The following LAMA5 variants were observed in gnomAD, a reference collection of about 807,000 sequenced individuals.
LAMA5 encodes the protein laminin subunit alpha 5.
Under a neutral mutation model 433.4 loss-of-function variants are expected in LAMA5, and 260 were observed. The observed-to-expected ratio is 0.60, with a 90% CI of 0.54 to 0.66. The LOEUF (loss-of-function observed/expected upper bound fraction) is 0.66, where lower values mean the gene tolerates loss of function less well. LAMA5 is among the 30% of genes least tolerant of loss of function. The pLI is 0.00. For synonymous variants in LAMA5, 2,620 were observed against 2,226.6 expected (o/e 1.18, Z -4.97); for missense variants, 5,378 against 5,258.5 (o/e 1.02, Z -0.70).
intron 61 of LAMA5, 46 bp from the exon 62 acceptor site, chr20:62,314,486 G>A: frequency 6.2e-7 from 1 of 1,611,178 alleles, no homozygotes. Context: ...CCGGGGACCA[G>A]GGACCAGGCA....
Position 62,313,777 on chromosome 20 carries a change from C to A in LAMA5, c.8530G>T (p.Val2844Phe). The A allele has an allele frequency of 6.2e-7, 1 of 1,612,792 alleles. No individual in the cohort carries two copies. Among genetic ancestry groups the A allele is most frequent in the Non-Finnish European group, 8.5e-7 (1 of 1,179,938 alleles). Residue 2844 changes from valine (V) to phenylalanine (F), a missense_variant, in exon 63 of 80, where the codon GTC becomes TTC. Val to Phe is a conservative substitution (Grantham distance 50). Coordinates refer to ENST00000252999, the MANE Select transcript of LAMA5 (RefSeq NM_005560.6). ...TGGATCATCTGTCTCTCCACTGTGA[C>A]GGACATGTGGCCAAACTGGAGAGTC... ...DRTLQFGHMS[V>F]TVERQMIQET...
chr20:62,311,538 T>A lies in LAMA5; in HGVS notation c.9807-2A>T. 1.2e-6 allele frequency: 2 copies of A among 1,609,326 alleles called. No individual in the cohort carries two copies. Among genetic ancestry groups the A allele is most frequent in the Non-Finnish European group, 1.7e-6 (2 of 1,177,702 alleles). On this transcript the variant is annotated splice_acceptor_variant, in intron 71 of 79. Coordinates refer to ENST00000252999, the MANE Select transcript of LAMA5 (RefSeq NM_005560.6). LOFTEE classifies it high-confidence loss of function. ...AATACGCGCTGTGGGCCCAGGAGCC[T>A]GTGCAGGGCGGGCAGGCGGTCAGCA...
In LAMA5 at chr20:62,327,928, A is replaced by G. The variant is rs1568931380; in HGVS notation, c.4735T>C (p.Cys1579Arg). The G allele has an allele frequency of 1.4e-5, 22 of 1,612,512 alleles. No individual in the cohort carries two copies. The highest frequency in any genetic ancestry group is 1.9e-5 in the Non-Finnish European group (22 of 1,179,910). Residue 1579 changes from cysteine to arginine, a missense_variant, in exon 36 of 80, where the codon TGT becomes CGT. Transcript: ENST00000252999. ...HGYPRCRPCDCHEAGTAPGVC... is the reference protein window; with the variant it reads ...HGYPRCRPCDRHEAGTAPGVC... ...CCAGGCGCAGTGCCCGCCTCGTGAC[A>G]GTCACAGGGGCGGCAGCGGGGGTAG...
At chr20:62,310,354 C>A (rs1202759007) in intron 76 of LAMA5, 43 bp from the exon 77 acceptor site, 1 of 1,571,522 alleles carries the variant, frequency 6.4e-7, no homozygotes, top group Admixed American at 1.8e-5. Context: ...GGGGGCCCCT[C>A]CCCAGAACCT....
At position 62,334,122 on chromosome 20, in the gene LAMA5, T is replaced by C. The variant is rs1237211804; in HGVS notation, c.2739+64A>G. On this transcript the variant is annotated intron_variant, in intron 22 of 79. Transcript: ENST00000252999. ...GGCCTTCAAGGGGCCTGCCCACCCC[T>C]CCCTGCCAGCCACGCCTGGCTCCAC... 7.6e-6 allele frequency: 12 copies of C among 1,587,480 alleles called. No homozygotes were observed. The East Asian group carries it at 2.5e-4, about 33-fold the overall frequency.
intron 26 of LAMA5, 143 bp downstream of exon 26, chr20:62,332,947 G>GGCAGGAGGCAGGAGGCAGGAGGCAGGAT: frequency 1.8e-6 from 2 of 1,132,794 alleles, no homozygotes; most frequent in Non-Finnish European, 2.4e-6. Flanking sequence ...GGAGGCAGGA[G>GGCAGGAGGCAGGAGGCAGGAGGCAGGAT]GCAGGGGCGC....
Position 62,313,346 on chromosome 20 carries a change from C to A in LAMA5, c.8773G>T (p.Val2925Leu), listed in dbSNP as rs768371853. 39 of 1,567,742 alleles carry A rather than the reference C, an allele frequency of 2.5e-5. No individual in the cohort carries two copies. In the East Asian group the frequency reaches 8.7e-4, roughly 35 times the overall value. Reference sequence around the variant, plus strand: ...ACGCACCGGGCACAAGGCCTGTCCACAGCCGTGTCCAGCTGGAAGGTCCTC... The same window carrying A: ...ACGCACCGGGCACAAGGCCTGTCCAAAGCCGTGTCCAGCTGGAAGGTCCTC... ...FERTFQLDTA[V>L]DRPCARSKST... The change falls in exon 64 of 80, where the codon GTG (valine) becomes TTG (leucine). Residue 2925 changes from valine to leucine, a missense_variant. Val to Leu is a conservative substitution (Grantham distance 32). Coordinates refer to ENST00000252999, the MANE Select transcript of LAMA5 (RefSeq NM_005560.6).
rs1326386787 is a variant in LAMA5, at chr20:62,327,916, C to T, written c.4747G>A (p.Gly1583Ser). 1.6e-5 allele frequency: 26 copies of T among 1,612,104 alleles called. No homozygotes were observed. Among genetic ancestry groups the T allele is most frequent in the Non-Finnish European group, 2.0e-5 (24 of 1,179,872 alleles). Residue 1583 changes from glycine (G) to serine (S), a missense_variant, in exon 36 of 80, where the codon GGC becomes AGC. Transcript: ENST00000252999. Reference protein sequence around the residue: ...RCRPCDCHEAGTAPGVCDPLT... With the variant: ...RCRPCDCHEASTAPGVCDPLT... ...GGGTCACACACGCCAGGCGCAGTGC[C>T]CGCCTCGTGACAGTCACAGGGGCGG...
chr20:62,333,038 C>T (rs1042992619), intron 26 of LAMA5, 52 bp downstream of exon 26: 4 of 1,428,662 alleles, frequency 2.8e-6, no homozygotes, highest in South Asian at 1.5e-5. Context: ...CCCCAGCCCC[C>T]AGGCCAAGGT....
chr20:62,344,392 T>C (rs1047241513), intron 11 of LAMA5, among the ~76,000 whole-genome samples: 2 of 152,082 alleles, frequency 1.3e-5, no homozygotes, highest in African/African-American at 2.4e-5. Context: ...TATGTGGTAA[T>C]GGCAATGATT....
rs777611514 is a variant in LAMA5 at position 62,311,744 on chromosome 20, G to C, written c.9676C>G (p.Pro3226Ala). 2 of 1,560,320 alleles carry C rather than the reference G, an allele frequency of 1.3e-6. No individual in the cohort carries two copies. The highest frequency in any genetic ancestry group is 1.7e-6 in the Non-Finnish European group (2 of 1,153,766). The change falls in exon 71 of 80, where the codon CCC becomes GCC. Residue 3226 changes from proline (P) to alanine (A), a missense_variant. Physicochemically the swap from Pro to Ala is conservative, Grantham distance 27. Transcript: ENST00000252999. ...AGCTCGGGGGGTGGTCCCCGGTGGG[G>C]CTTCATCTGCTGGAGCTGGTCATCG... ...YVDDQLQQMKPHRGPPPELQP... is the reference protein window; with the variant it reads ...YVDDQLQQMKAHRGPPPELQP...
rs556123854 is a variant in LAMA5, at chr20:62,363,037, AG to A, written c.298-486del. Among the ~76,000 whole-genome samples, 204 of 152,176 alleles carry A rather than the reference AG, an allele frequency of 1.3e-3. 2 individuals carry two copies. The highest frequency in any genetic ancestry group is 0.01 in the Middle Eastern group (3 of 294). On this transcript the variant is annotated intron_variant, in intron 1 of 79. Transcript: ENST00000252999. ...GCTACCCCTCCCTGCTGGCCCTGCC[AG>A]GGGCTCCAGAGAGGCTTGGACAAAA...
intron 56 of LAMA5, 26 bp downstream of exon 56, chr20:62,316,856 G>T (rs763343949): frequency 1.3e-6 from 2 of 1,535,384 alleles, no homozygotes; most frequent in Admixed American, 3.9e-5. Context: ...CTCCTGCTGG[G>T]GCTGAGGGGA....
Position 62,310,980 on chromosome 20 carries a change from G to A in LAMA5, c.10203C>T (p.Phe3401=), listed in dbSNP as rs757890325. 1.7e-5 allele frequency: 28 copies of A among 1,611,470 alleles called. No homozygotes were observed. Among genetic ancestry groups the A allele is most frequent in the Admixed American group, 1.3e-4 (8 of 59,924 alleles). ...TCCCGAGGCCTTCCATCTGTGCAAC[G>A]AAGTGGCCATTGCTCAGGAAGAGCG... ...SLALFLSNGH[F]VAQMEGLGTR... Residue 3401 remains phenylalanine (F), a synonymous_variant, in exon 74 of 80, where the codon TTC becomes TTT. Transcript: ENST00000252999.
Position 62,320,727 on chromosome 20 carries a change from G to A in LAMA5, c.6648+12C>T, listed in dbSNP as rs540664047. On this transcript the variant is annotated intron_variant, in intron 49 of 79. Coordinates refer to ENST00000252999, the MANE Select transcript of LAMA5 (RefSeq NM_005560.6). ...GCCCGGGTTGGGGAGGGAAGGCCAG[G>A]ACGCTCAGTACCTGCAGGTCAGCGA... The A allele has an allele frequency of 1.9e-6, 3 of 1,612,574 alleles. No individual in the cohort carries two copies. The highest frequency in any genetic ancestry group is 4.5e-5 in the East Asian group (2 of 44,890).
Position 62,346,989 on chromosome 20 carries a change from G to A in LAMA5, c.996C>T (p.Thr332=), listed in dbSNP as rs755493582. The change falls in exon 7 of 80, where the codon ACC becomes ACT. Residue 332 remains threonine (T), a synonymous_variant. Transcript: ENST00000252999. ...CTCQHNTCGG[T]CDRCCPGFNQ... ...TGAAGCCGGGGCAGCAGCGGTCGCA[G>A]GTGCCCCCGCAGGTGTTGTGCTGGC... 51 of 1,612,320 alleles carry A rather than the reference G, an allele frequency of 3.2e-5. No individual in the cohort carries two copies. In the East Asian group the frequency reaches 1.1e-3, roughly 35 times the overall value.
rs1986078608 is a variant in LAMA5 at position 62,310,228 on chromosome 20, C to T, written c.10684G>A (p.Gly3562Ser). The change falls in exon 77 of 80, where the codon GGC (glycine) becomes AGC (serine). Residue 3562 changes from glycine to serine, a missense_variant. Coordinates refer to ENST00000252999, the MANE Select transcript of LAMA5 (RefSeq NM_005560.6). ...LAVTGLIFHL[G>S]QARTPPYLQL... ...AAGTAGGGGGGCGTCCGGGCCTGGCCCAAGTGGAAGATCAGTCCGGTGACT... is the reference window on the plus strand; with the variant it reads ...AAGTAGGGGGGCGTCCGGGCCTGGCTCAAGTGGAAGATCAGTCCGGTGACT... 2 of 1,612,592 alleles carry T rather than the reference C, an allele frequency of 1.2e-6. No individual in the cohort carries two copies. Among genetic ancestry groups the T allele is most frequent in the East Asian group, 4.5e-5 (2 of 44,878 alleles).
chr20:62,319,458 G>A (rs1987423423), intron 51 of LAMA5, among the ~76,000 whole-genome samples: 1 of 152,108 alleles, frequency 6.6e-6, no homozygotes, highest in Admixed American at 6.5e-5. Flanking sequence ...CATTTCCTGG[G>A]GAGGCTGTCG....
intron 45 of LAMA5, 99 bp downstream of exon 45, chr20:62,323,357 G>T: frequency 2.0e-6 from 2 of 1,001,320 alleles, no homozygotes; most frequent in East Asian, 2.7e-5. Context: ...CTGGGCCCCA[G>T]CATCAGGCAC....
Sources: gnomAD v4.1 joint callset for allele counts (sites outside exome capture counted in the v4.1 genomes callset) on GRCh38, gnomAD v4.1.1 for gene constraint, MANE v1.5 for transcripts, NCBI Gene and HGNC (gene_info 2026-07-23, HGNC 2026-07-21) for gene names.